The following GRM7 variants were observed in gnomAD, a reference collection of about 807,000 sequenced individuals.
GRM7 encodes the protein metabotropic glutamate receptor 7.
In GRM7, 35 loss-of-function variants were observed where a neutral mutation model predicts 84.5. The ratio of observed to expected loss-of-function variants is 0.41; its 90% CI spans 0.32 to 0.55. GRM7 has a LOEUF of 0.55. Ranked by LOEUF, GRM7 falls within the 20% of genes least tolerant of loss-of-function variation. The probability of loss-of-function intolerance (pLI) is 0.19; values close to 1 mark genes in which losing one functional copy is unlikely to be tolerated. For missense variants in GRM7, 1,003 were observed against 1,194.6 expected, an observed-to-expected ratio of 0.84 and a Z score of 2.36; for synonymous variants, 487 against 455.1, an observed-to-expected ratio of 1.07 and a Z score of -0.89.
rs552209242 is a variant in GRM7 at position 7,256,561 on chromosome 3, C to T, written c.737-42123C>T. ...AGTTGTTATAGTGAAGGAACCACTTCGAGGTAGTAATATGGCTATTTTATC... is the reference window on the plus strand; with the variant it reads ...AGTTGTTATAGTGAAGGAACCACTTTGAGGTAGTAATATGGCTATTTTATC... On this transcript the variant is annotated intron_variant, in intron 2 of 9. Coordinates refer to ENST00000357716, the MANE Select transcript of GRM7 (RefSeq NM_000844.4). Among the ~76,000 whole-genome samples, 18 of 152,186 alleles carry T rather than the reference C, an allele frequency of 1.2e-4. No individual in the cohort carries two copies. The South Asian group carries it at 3.3e-3, about 28-fold the overall frequency.
At chr3:6,969,559 G>A (rs1272581122) in intron 1 of GRM7, among the ~76,000 whole-genome samples, 1 of 152,166 alleles carries the variant, frequency 6.6e-6, no homozygotes, top group African/African-American at 2.4e-5. Flanking sequence ...AGCTCTGTCA[G>A]GTTCCAAAAT....
chr3:7,255,758 T>C (rs996176596), intron 2 of GRM7, among the ~76,000 whole-genome samples: 5 of 152,180 alleles, frequency 3.3e-5, no homozygotes, highest in Non-Finnish European at 7.4e-5. Flanking sequence ...TTCCTTATAA[T>C]TGACACGAAT....
rs189441994 is a variant in GRM7, at chr3:7,561,122, T to C, written c.1516-17300T>C. On this transcript the variant is annotated intron_variant, in intron 7 of 9. Coordinates refer to ENST00000357716, the MANE Select transcript of GRM7 (RefSeq NM_000844.4). ...TGAAACTACTTACAGACCTTCATCC[T>C]CATCACCATCTGTGAATCTAGTGCA... is the stretch of plus-strand genomic sequence containing the variant. Among the ~76,000 whole-genome samples, 7 of 152,244 alleles carry C rather than the reference T, an allele frequency of 4.6e-5. No individual in the cohort carries two copies. In the East Asian group the frequency reaches 1.3e-3, roughly 29 times the overall value.
intron 9 of GRM7, among the ~76,000 whole-genome samples, chr3:7,690,654 A>G (rs1454566823): frequency 6.6e-6 from 1 of 152,146 alleles, no homozygotes. Context: ...TTTTATGCCT[A>G]TTTTATTTCA....
intron 4 of GRM7, among the ~76,000 whole-genome samples, chr3:7,395,265 TATG>T (rs1695164980): frequency 6.6e-6 from 1 of 152,180 alleles, no homozygotes; most frequent in South Asian, 2.1e-4. Context: ...CACATGTATC[TATG>T]ATGATGTATC....
At chr3:6,953,396 G>A (rs567024768) in intron 1 of GRM7, among the ~76,000 whole-genome samples, 4 of 152,138 alleles carry the variant, frequency 2.6e-5, no homozygotes, top group Non-Finnish European at 5.9e-5. Flanking sequence ...AGCAACAGCT[G>A]TACCCCAAAA....
chr3:7,569,718 A>T (rs1248301075), intron 7 of GRM7, among the ~76,000 whole-genome samples: 1 of 152,124 alleles, frequency 6.6e-6, no homozygotes, highest in Non-Finnish European at 1.5e-5. Flanking sequence ...CGAGACCATG[A>T]ACCCACCAGA....
chr3:7,266,766 C>T (rs1260343548), intron 2 of GRM7, among the ~76,000 whole-genome samples: 2 of 152,180 alleles, frequency 1.3e-5, no homozygotes, highest in Non-Finnish European at 2.9e-5. Flanking sequence ...GCTGAATGTA[C>T]TTGAACCTAA....
At chr3:7,099,581 T>C (rs1183440500) in intron 1 of GRM7, among the ~76,000 whole-genome samples, 2 of 143,592 alleles carry the variant, frequency 1.4e-5, no homozygotes, top group African/African-American at 2.5e-5. Flanking sequence ...CATGTGCACA[T>C]ATATGTATAT....
intron 1 of GRM7, among the ~76,000 whole-genome samples, chr3:6,996,118 G>A (rs1026813862): frequency 1.3e-5 from 2 of 151,806 alleles, no homozygotes; most frequent in Admixed American, 6.6e-5. Context: ...GTGCAATCTC[G>A]GCTCACTGCA....
intron 4 of GRM7, among the ~76,000 whole-genome samples, chr3:7,310,655 G>A: frequency 6.6e-6 from 1 of 152,200 alleles, no homozygotes. Context: ...AGAGCAATGA[G>A]ATACTGCATG....
intron 2 of GRM7, among the ~76,000 whole-genome samples, chr3:7,174,357 A>G (rs1037014761): frequency 6.6e-6 from 1 of 152,236 alleles, no homozygotes; most frequent in Non-Finnish European, 1.5e-5. Flanking sequence ...TAAAGATAAG[A>G]GTGACATCAT....
intron 1 of GRM7, among the ~76,000 whole-genome samples, chr3:7,108,411 C>G (rs1481226983): frequency 6.6e-6 from 1 of 151,894 alleles, no homozygotes; most frequent in African/African-American, 2.4e-5. Flanking sequence ...ACTACCATGG[C>G]TCTGAAGAAC....
Position 7,437,451 on chromosome 3 carries a change from C to T in GRM7, c.1175-15156C>T, listed in dbSNP as rs567807151. ...GGGAACAGATAATCCTCACTGCTAC[C>T]GCTGCAGTCCAAGACATCCTCACCA... On this transcript the variant is annotated intron_variant, in intron 5 of 9. Transcript: ENST00000357716. Among the ~76,000 whole-genome samples the T allele has an allele frequency of 8.5e-4, 130 of 152,212 alleles. No individual in the cohort carries two copies. The Middle Eastern group carries it at 0.024, about 28-fold the overall frequency.
At chr3:6,867,187 G>A (rs1192968909) in intron 1 of GRM7, among the ~76,000 whole-genome samples, 13 of 152,274 alleles carry the variant, frequency 8.5e-5, no homozygotes, top group African/African-American at 3.1e-4. Flanking sequence ...ATGTGCAGTG[G>A]AAAGCATTAT....
At chr3:6,960,126 A>G (rs2125080804) in intron 1 of GRM7, among the ~76,000 whole-genome samples, 1 of 152,266 alleles carries the variant, frequency 6.6e-6, no homozygotes, top group East Asian at 1.9e-4. Context: ...AACTAACCAG[A>G]CCTTTCTTTT....
intron 8 of GRM7, among the ~76,000 whole-genome samples, chr3:7,636,064 AC>A (rs1207313847): frequency 3.3e-5 from 5 of 152,354 alleles, no homozygotes; most frequent in African/African-American, 9.6e-5. Context: ...TATTATCAAA[AC>A]TAGCCAATTT....
intron 9 of GRM7, among the ~76,000 whole-genome samples, chr3:7,683,243 G>T (rs1700450095): frequency 6.6e-6 from 1 of 152,136 alleles, no homozygotes; most frequent in African/African-American, 2.4e-5. Context: ...AAAGAAGGCT[G>T]CCCAGGTAGA....
chr3:7,099,219 T>TAATACATGTATTATACATGTATATATG (rs149573225), intron 1 of GRM7, among the ~76,000 whole-genome samples: 46 of 137,956 alleles, frequency 3.3e-4, no homozygotes, highest in South Asian at 1.1e-3. Context: ...TTGCATATAA[T>TAATACATGTATTATACATGTATATATG]AATACATGTA....
Sources: allele counts gnomAD v4.1 joint callset (sites outside exome capture counted in the v4.1 genomes callset), GRCh38; gene constraint gnomAD v4.1.1; transcripts MANE v1.5; gene names NCBI Gene and HGNC (gene_info 2026-07-23, HGNC 2026-07-21).